The following GRIK4 variants were observed in gnomAD, a reference collection of about 807,000 sequenced individuals.
GRIK4 encodes the protein glutamate ionotropic receptor kainate type subunit 4.
Under a neutral mutation model 104.9 loss-of-function variants are expected in GRIK4, and 40 were observed. The ratio of observed to expected loss-of-function variants is 0.38; its 90% confidence interval spans 0.30 to 0.50. The LOEUF is 0.50. Among genes scored for constraint, GRIK4 ranks in the 20% least tolerant of loss-of-function variants. The pLI is 0.93. For missense variants in GRIK4, 1,047 were observed against 1,308.1 expected (o/e 0.80, Z 3.08); for synonymous variants, 485 against 524.9 (o/e 0.92, Z 1.04).
chr11:120,709,597 A>G (rs1950690105), intron 3 of GRIK4, among the ~76,000 whole-genome samples: 1 of 152,192 alleles, frequency 6.6e-6, no homozygotes, highest in African/African-American at 2.4e-5. Flanking sequence ...TGGTTTTGCA[A>G]TGTGGGATTT....
rs187133732 is a variant in GRIK4, at chr11:120,660,741, T to C, written c.82+341T>C. ...GGGACTCCAAATCTAGGGCTGGAGA[T>C]GGGAGAAGAGGTCCCTTCTTTCCTG... is the stretch of plus-strand genomic sequence containing the variant. On this transcript the variant is annotated intron_variant, in intron 3 of 20. Coordinates refer to ENST00000527524, the MANE Select transcript of GRIK4 (RefSeq NM_014619.5). 5.3e-4 allele frequency among the ~76,000 whole-genome samples: 80 copies of C among 152,256 alleles called. 1 individual carries two copies. In the East Asian group the frequency reaches 0.015, roughly 28 times the overall value.
intron 13 of GRIK4, among the ~76,000 whole-genome samples, chr11:120,936,819 C>T (rs955873553): frequency 2.5e-4 from 38 of 152,100 alleles, no homozygotes; most frequent in Non-Finnish European, 4.4e-4. Context: ...CTGCTCTTTC[C>T]GCCTGGGAGC....
At chr11:120,758,775 C>A (rs1427717800) in intron 3 of GRIK4, among the ~76,000 whole-genome samples, 1 of 152,132 alleles carries the variant, frequency 6.6e-6, no homozygotes, top group Non-Finnish European at 1.5e-5. Context: ...CTATAGTGGG[C>A]ATCTATAAAT....
At chr11:120,694,945 G>T (rs1409834909) in intron 3 of GRIK4, among the ~76,000 whole-genome samples, 1 of 152,112 alleles carries the variant, frequency 6.6e-6, no homozygotes, top group Non-Finnish European at 1.5e-5. Context: ...ATCATTCTTG[G>T]CTTCATCACA....
chr11:120,938,270 T>G (rs1021269416), intron 13 of GRIK4, among the ~76,000 whole-genome samples: 1 of 152,202 alleles, frequency 6.6e-6, no homozygotes. Context: ...CTAACAATCC[T>G]CTAATCAAAC....
intron 3 of GRIK4, among the ~76,000 whole-genome samples, chr11:120,773,184 A>C (rs1951979527): frequency 6.6e-6 from 1 of 152,206 alleles, no homozygotes. Context: ...CATGGCTAAG[A>C]AGGAGCAGAG....
intron 15 of GRIK4, among the ~76,000 whole-genome samples, chr11:120,955,658 C>T (rs1469562352): frequency 1.3e-5 from 2 of 152,192 alleles, no homozygotes; most frequent in Non-Finnish European, 2.9e-5. Flanking sequence ...AGTGTCCCCA[C>T]CTCACCCCAA....
rs1459211380 is a variant in GRIK4 at position 120,743,305 on chromosome 11, A to T, written c.83-59388A>T. Among the ~76,000 whole-genome samples the T allele has an allele frequency of 5.3e-5, 8 of 152,008 alleles. No individual in the cohort carries two copies. In the South Asian group the frequency reaches 1.5e-3, roughly 28 times the overall value. Reference sequence around the variant, plus strand: ...GATGGAACTGGAGGCCATTATGCTCAGCAAACAAATGCAGGAACAGAAAAT... The same window carrying T: ...GATGGAACTGGAGGCCATTATGCTCTGCAAACAAATGCAGGAACAGAAAAT... On this transcript the variant is annotated intron_variant, in intron 3 of 20. Coordinates refer to ENST00000527524, the MANE Select transcript of GRIK4 (RefSeq NM_014619.5).
At chr11:120,716,115 G>A (rs1277082790) in intron 3 of GRIK4, among the ~76,000 whole-genome samples, 1 of 152,120 alleles carries the variant, frequency 6.6e-6, no homozygotes. Flanking sequence ...GCAATGGTGA[G>A]CTGGCTAAGG....
chr11:120,719,423 A>G (rs1416852478), intron 3 of GRIK4, among the ~76,000 whole-genome samples: 1 of 152,164 alleles, frequency 6.6e-6, no homozygotes, highest in Non-Finnish European at 1.5e-5. Context: ...CTAGATTCAA[A>G]TCGGCTCTGA....
chr11:120,670,851 C>T (rs182350823), intron 3 of GRIK4, among the ~76,000 whole-genome samples: 29 of 152,264 alleles, frequency 1.9e-4, no homozygotes, highest in Middle Eastern at 3.4e-3. Flanking sequence ...GCCATCCCTC[C>T]CCTTGTCCCC....
intron 9 of GRIK4, chr11:120,871,832 A>G (rs1383585511): frequency 2.2e-6 from 1 of 456,360 alleles, no homozygotes; most frequent in Non-Finnish European, 4.4e-6. Flanking sequence ...AAGAAAGCAT[A>G]CACCAGCCAG....
chr11:120,852,612 T>C (rs1312809855), intron 8 of GRIK4, among the ~76,000 whole-genome samples: 1 of 152,132 alleles, frequency 6.6e-6, no homozygotes, highest in Admixed American at 6.5e-5. Flanking sequence ...TCCTATTAAA[T>C]AGAATTCATT....
chr11:120,776,817 GTC>G (rs1952052113), intron 3 of GRIK4, among the ~76,000 whole-genome samples: 1 of 152,196 alleles, frequency 6.6e-6, no homozygotes, highest in South Asian at 2.1e-4. Flanking sequence ...GGCGGTGTGG[GTC>G]TCTCCATAGG....
intron 11 of GRIK4, among the ~76,000 whole-genome samples, chr11:120,877,781 G>A (rs1198713596): frequency 1.3e-5 from 2 of 152,164 alleles, no homozygotes; most frequent in Non-Finnish European, 1.5e-5. Context: ...GGAACAGTTA[G>A]GAGAACATGA....
At chr11:120,671,808 A>G (rs536684634) in intron 3 of GRIK4, among the ~76,000 whole-genome samples, 4 of 152,270 alleles carry the variant, frequency 2.6e-5, no homozygotes, top group South Asian at 2.1e-4. Context: ...ACCCATGCCT[A>G]TGTCCTGAAT....
chr11:120,572,473 G>T (rs1948413714), intron 1 of GRIK4, among the ~76,000 whole-genome samples: 1 of 152,150 alleles, frequency 6.6e-6, no homozygotes, highest in South Asian at 2.1e-4. Context: ...GCATGTCGAG[G>T]CGGGGAGTGG....
At chr11:120,590,421 A>G (rs140995498) in intron 1 of GRIK4, among the ~76,000 whole-genome samples, 70 of 152,180 alleles carry the variant, frequency 4.6e-4, no homozygotes, top group African/African-American at 1.6e-3. Context: ...TTGGCCTTAC[A>G]TGTTAGTCTG....
chr11:120,536,201 C>A (rs1167829927), intron 1 of GRIK4, among the ~76,000 whole-genome samples: 1 of 152,206 alleles, frequency 6.6e-6, no homozygotes, highest in Admixed American at 6.5e-5. Flanking sequence ...AGGCTATTTT[C>A]CTGCAACAAT....
Sources: allele counts gnomAD v4.1 joint callset (sites outside exome capture counted in the v4.1 genomes callset), GRCh38; gene constraint gnomAD v4.1.1; transcripts MANE v1.5; gene names NCBI Gene and HGNC (gene_info 2026-07-23, HGNC 2026-07-21).